The following NAV3 variants were observed in gnomAD, a reference collection of about 807,000 sequenced individuals.
The protein encoded by NAV3 is pore membrane and/or filament interacting like protein 1.
Under a neutral mutation model 244.7 loss-of-function variants are expected in NAV3, and 87 were observed. The observed-to-expected ratio is 0.36, with a 90% CI of 0.30 to 0.42. The LOEUF (loss-of-function observed/expected upper bound fraction) is 0.42. Among genes scored for constraint, NAV3 ranks in the 20% least tolerant of loss-of-function variants. NAV3 has a pLI of 1.00. For synonymous variants in NAV3, 1,126 were observed against 1,042.2 expected (o/e 1.08, Z -1.55); for missense variants, 2,663 against 2,893.3 (o/e 0.92, Z 1.83).
intron 23 of NAV3, among the ~76,000 whole-genome samples, chr12:78,160,405 G>A (rs378957): frequency 0.021 from 2,952 of 142,452 alleles, 44 homozygotes; most frequent in Non-Finnish European, 0.031. Context: ...GTGTGCGTGC[G>A]TGTGTGTGTG....
intron 1 of NAV3, among the ~76,000 whole-genome samples, chr12:77,872,637 C>T (rs1302977898): frequency 6.6e-6 from 1 of 151,926 alleles, no homozygotes; most frequent in Admixed American, 6.6e-5. Context: ...TAAGAGAGGC[C>T]CAAGTACTGA....
At position 78,128,724 on chromosome 12, in the gene NAV3, G is replaced by T. The variant is rs1196846391; in HGVS notation, c.4299G>T (p.Arg1433=). Residue 1433 remains arginine, a synonymous_variant, in exon 18 of 40, where the codon CGG becomes CGT. Coordinates refer to ENST00000397909, the MANE Select transcript of NAV3 (RefSeq NM_001024383.2). ...KKGLRYTPSS[R]QANQEEGKEW... ...TTTGCAGATATACCCCATCATCTCGGCAGGCCAACCAAGAAGAGGGCAAAG... is the reference window on the plus strand; with the variant it reads ...TTTGCAGATATACCCCATCATCTCGTCAGGCCAACCAAGAAGAGGGCAAAG... 1.2e-6 allele frequency: 2 copies of T among 1,613,642 alleles called. No individual in the cohort carries two copies. The highest frequency in any genetic ancestry group is 1.7e-6 in the Non-Finnish European group (2 of 1,179,842).
chr12:77,836,135 T>A (rs1350941149), intron 1 of NAV3, among the ~76,000 whole-genome samples: 1 of 152,212 alleles, frequency 6.6e-6, no homozygotes, highest in Non-Finnish European at 1.5e-5. Flanking sequence ...AAGAACAGAG[T>A]CACTTTGCCT....
intron 3 of NAV3, among the ~76,000 whole-genome samples, chr12:77,960,439 A>G (rs1391135009): frequency 4.6e-5 from 3 of 64,962 alleles, no homozygotes; most frequent in African/African-American, 1.9e-4. Context: ...GGCCAGTCAT[A>G]TATATATATA....
At chr12:77,875,864 T>C (rs964077786) in intron 1 of NAV3, among the ~76,000 whole-genome samples, 11 of 152,210 alleles carry the variant, frequency 7.2e-5, no homozygotes, top group African/African-American at 2.4e-4. Context: ...CAATAGGCAA[T>C]ACTTAAGAGG....
At chr12:77,759,743 G>A (rs1283101427) in intron 2 of NAV3, among the ~76,000 whole-genome samples, 1 of 148,346 alleles carries the variant, frequency 6.7e-6, no homozygotes, top group African/African-American at 2.5e-5. Context: ...TTGCTCATTG[G>A]TGAAGACGGT....
chr12:77,946,957 A>G (rs1218329445), intron 3 of NAV3, among the ~76,000 whole-genome samples: 4 of 152,162 alleles, frequency 2.6e-5, no homozygotes, highest in Non-Finnish European at 5.9e-5. Context: ...GCTATGTAAG[A>G]CAGCTAAGGA....
At chr12:78,048,070 T>C (rs528672359) in intron 9 of NAV3, among the ~76,000 whole-genome samples, 24 of 152,326 alleles carry the variant, frequency 1.6e-4, no homozygotes, top group African/African-American at 5.8e-4. Flanking sequence ...AGGTCATTTG[T>C]GTTCTTCTCC....
At chr12:77,588,521 G>T (rs4761391) in intron 2 of NAV3, among the ~76,000 whole-genome samples, 33,749 of 152,008 alleles carry the variant, frequency 0.22, 4,063 homozygotes, top group East Asian at 0.43. Flanking sequence ...TCTCATACTG[G>T]TGTTCACACC....
intron 2 of NAV3, among the ~76,000 whole-genome samples, chr12:77,709,681 A>T (rs1180407493): frequency 1.3e-5 from 2 of 152,226 alleles, no homozygotes; most frequent in Admixed American, 1.3e-4. Flanking sequence ...ATTACATAAC[A>T]TGCCCATCAT....
intron 34 of NAV3, among the ~76,000 whole-genome samples, chr12:78,195,421 C>T (rs930001956): frequency 1.3e-5 from 2 of 151,400 alleles, no homozygotes; most frequent in Non-Finnish European, 2.9e-5. Flanking sequence ...TTCTGTGAAC[C>T]TTAAGTCTGG....
At chr12:78,126,876 T>C (rs946828491) in intron 16 of NAV3, among the ~76,000 whole-genome samples, 2 of 152,156 alleles carry the variant, frequency 1.3e-5, no homozygotes, top group Admixed American at 1.3e-4. Flanking sequence ...ACTAAGATAG[T>C]ATTTAATCAA....
rs150696873 is a variant in NAV3 at position 78,183,381 on chromosome 12, A to C, written c.5693-2220A>C. ...AAAACTTAGTAAACACTGAGGATGA[A>C]GTGCTTTAAAAGTATTATCTTTTAT... On this transcript the variant is annotated intron_variant, in intron 30 of 39. Transcript: ENST00000397909. 9.2e-5 allele frequency among the ~76,000 whole-genome samples: 14 copies of C among 152,022 alleles called. No individual in the cohort carries two copies. In the East Asian group the frequency reaches 2.7e-3, roughly 29 times the overall value.
intron 2 of NAV3, among the ~76,000 whole-genome samples, chr12:77,819,248 G>A (rs939097378): frequency 1.3e-5 from 2 of 151,798 alleles, no homozygotes; most frequent in African/African-American, 4.8e-5. Flanking sequence ...GATTTTTCAC[G>A]TTTACCCTTC....
At chr12:77,980,025 G>A (rs937646099) in intron 5 of NAV3, among the ~76,000 whole-genome samples, 2 of 152,122 alleles carry the variant, frequency 1.3e-5, no homozygotes, top group African/African-American at 2.4e-5. Flanking sequence ...AATGAGGGAG[G>A]GATAAGGAAG....
chr12:77,608,850 A>T (rs926259427), intron 2 of NAV3, among the ~76,000 whole-genome samples: 1 of 152,032 alleles, frequency 6.6e-6, no homozygotes, highest in African/African-American at 2.4e-5. Context: ...GCTTTCGTTT[A>T]GCTTTTTCTC....
At chr12:77,620,974 G>T (rs1443295388) in intron 2 of NAV3, among the ~76,000 whole-genome samples, 1 of 152,206 alleles carries the variant, frequency 6.6e-6, no homozygotes, top group Non-Finnish European at 1.5e-5. Flanking sequence ...ATGAGCAGAT[G>T]TGGTGGCACA....
At chr12:77,897,143 G>A (rs1565899704) in intron 1 of NAV3, among the ~76,000 whole-genome samples, 2 of 152,174 alleles carry the variant, frequency 1.3e-5, no homozygotes, top group African/African-American at 2.4e-5. Context: ...GTCTAGGAAG[G>A]CATCTAGAGG....
At chr12:78,169,684 A>G (rs1593883365) in intron 24 of NAV3, among the ~76,000 whole-genome samples, 1 of 151,742 alleles carries the variant, frequency 6.6e-6, no homozygotes, top group Non-Finnish European at 1.5e-5. Context: ...GTCTTCAGCC[A>G]TCTTTAGACC....
Sources: gnomAD v4.1 joint callset for allele counts (sites outside exome capture counted in the v4.1 genomes callset) on GRCh38, gnomAD v4.1.1 for gene constraint, MANE v1.5 for transcripts, NCBI Gene and HGNC (gene_info 2026-07-23, HGNC 2026-07-21) for gene names.